CHMP4C: variants seen among roughly 807,000 people sequenced by gnomAD.
CHMP4C encodes charged multivesicular body protein 4C, also known as SNF7 homolog associated with Alix 3.
A neutral mutation model predicts 29.0 loss-of-function variants in CHMP4C; 28 were observed. The ratio of observed to expected loss-of-function variants is 0.97; its 90% CI spans 0.72 to 1.32. The LOEUF is 1.32. Ranked by LOEUF, CHMP4C falls within the 40% of genes most tolerant of loss-of-function variation. The pLI is 0.00. For synonymous variants in CHMP4C, 106 were observed against 102.4 expected, an observed-to-expected ratio of 1.04 and a Z score of -0.21; for missense variants, 291 against 281.0, an observed-to-expected ratio of 1.04 and a Z score of -0.25.
intron 1 of CHMP4C, among the ~76,000 whole-genome samples, chr8:81,739,425 G>GGGGGT (rs1554592477): frequency 1.4e-5 from 2 of 140,270 alleles, no homozygotes; most frequent in Admixed American, 1.4e-4. Flanking sequence ...TTGTGGGGGG[G>GGGGGT]GGTGGAAAAA....
At chr8:81,744,330 G>T (rs1438322203) in intron 1 of CHMP4C, among the ~76,000 whole-genome samples, 1 of 152,186 alleles carries the variant, frequency 6.6e-6, no homozygotes, top group Non-Finnish European at 1.5e-5. Context: ...GTAGGAGAAA[G>T]GGTTGGGGGT....
intron 2 of CHMP4C, among the ~76,000 whole-genome samples, chr8:81,754,912 AAATAG>A (rs891992618): frequency 2.0e-5 from 3 of 152,128 alleles, no homozygotes; most frequent in Non-Finnish European, 4.4e-5. Context: ...GTGTTACAAA[AAATAG>A]ATCTCTAGAC....
chr8:81,743,637 A>G (rs75199564), intron 1 of CHMP4C, among the ~76,000 whole-genome samples: 1,656 of 152,310 alleles, frequency 0.011, 42 homozygotes, highest in African/African-American at 0.038. Context: ...TTTAGTGAGT[A>G]TTTAAAATAA....
chr8:81,758,034 C>A, intron 3 of CHMP4C, 108 bp from the exon 4 acceptor site: 1 of 936,746 alleles, frequency 1.1e-6, no homozygotes, highest in Non-Finnish European at 1.6e-6. Flanking sequence ...TTCCATTTCA[C>A]TGGGTTCTCA....
chr8:81,758,661 TTG>T lies in CHMP4C; in HGVS notation c.*121_*122del, dbSNP rs1809002352. ...CTTTATAATTATATTGAATGAATAA[TTG>T]TGTTTTAAGCCTCCTAAGTAAAAGT... On this transcript the variant is annotated 3_prime_UTR_variant, in exon 5 of 5. Transcript: ENST00000297265. 1 of 747,872 alleles carries T rather than the reference TTG, an allele frequency of 1.3e-6. No homozygotes were observed. The highest frequency in any genetic ancestry group is 2.2e-6 in the Non-Finnish European group (1 of 446,516). The allele number at this position is 747,872 out of a possible 1,614,324, so 46.3% of individuals were successfully genotyped here.
At chr8:81,754,563 A>G (rs1447672206) in intron 2 of CHMP4C, among the ~76,000 whole-genome samples, 1 of 152,140 alleles carries the variant, frequency 6.6e-6, no homozygotes, top group East Asian at 1.9e-4. Context: ...GCTACTTAAT[A>G]ATGAGGGACA....
In CHMP4C at chr8:81,751,918, T is replaced by TA. The variant is rs371917852; in HGVS notation, c.191-1140dup. On this transcript the variant is annotated intron_variant, in intron 1 of 4. Coordinates refer to ENST00000297265, the MANE Select transcript of CHMP4C (RefSeq NM_152284.4). ...AAAAATTTTTAGAGACAAATTGTAA[T>TA]AAAAAACTGGCATATTAACTTAATA... 1.3e-4 allele frequency among the ~76,000 whole-genome samples: 20 copies of TA among 152,192 alleles called. No homozygotes were observed. In the East Asian group the frequency reaches 2.1e-3, roughly 16 times the overall value.
At position 81,741,672 on chromosome 8, in the gene CHMP4C, A is replaced by G. The variant is rs921099774; in HGVS notation, c.190+8856A>G. On this transcript the variant is annotated intron_variant, in intron 1 of 4. Coordinates refer to ENST00000297265, the MANE Select transcript of CHMP4C (RefSeq NM_152284.4). ...TTGTACTATGCCTAAGTACATGTGA[A>G]TCTATTTGTACTTTTAAGGAATAAA... 2.6e-5 allele frequency among the ~76,000 whole-genome samples: 4 copies of G among 152,304 alleles called. No individual in the cohort carries two copies. The South Asian group carries it at 6.2e-4, about 24-fold the overall frequency.
rs116711363 is a variant in CHMP4C, at chr8:81,752,135, C to T, written c.191-929C>T. Among the ~76,000 whole-genome samples, 1,437 of 152,294 alleles carry T rather than the reference C, an allele frequency of 9.4e-3. 18 individuals carry two copies. The highest frequency in any genetic ancestry group is 0.033 in the African/African-American group (1,353 of 41,560). The stretch of plus-strand genomic sequence containing the variant: ...GAAAACAGTTAGAAGAGAGACTTCT[C>T]TCCAAAATCTCTGTTGTGATAACTT... On this transcript the variant is annotated intron_variant, in intron 1 of 4. Transcript: ENST00000297265.
intron 3 of CHMP4C, among the ~76,000 whole-genome samples, chr8:81,755,969 A>G (rs1285561472): frequency 6.6e-6 from 1 of 152,216 alleles, no homozygotes; most frequent in African/African-American, 2.4e-5. Context: ...GTCCAATAAT[A>G]CAGACAGACT....
intron 1 of CHMP4C, among the ~76,000 whole-genome samples, chr8:81,737,023 G>A (rs570932782): frequency 6.6e-6 from 1 of 152,322 alleles, no homozygotes; most frequent in Admixed American, 6.5e-5. Context: ...GATCAAAAGA[G>A]TAACAGTTGG....
chr8:81,757,938 A>G (rs1312988030), intron 3 of CHMP4C, among the ~76,000 whole-genome samples: 40 of 152,194 alleles, frequency 2.6e-4, no homozygotes. Flanking sequence ...TTAGAAGATT[A>G]ACTACAACAA....
At chr8:81,748,195 A>T (rs190749251) in intron 1 of CHMP4C, among the ~76,000 whole-genome samples, 1 of 152,226 alleles carries the variant, frequency 6.6e-6, no homozygotes, top group South Asian at 2.1e-4. Context: ...GTTTAAGGTT[A>T]TCTCTCTTAT....
At chr8:81,733,094 A>T (rs754897144) in intron 1 of CHMP4C, among the ~76,000 whole-genome samples, 37 of 152,222 alleles carry the variant, frequency 2.4e-4, no homozygotes, top group South Asian at 2.1e-4. Flanking sequence ...CCAAAAAAGA[A>T]ATGATGAAGA....
rs1808631971 is a variant in CHMP4C, at chr8:81,732,605, T to C, written c.-22T>C. On this transcript the variant is annotated 5_prime_UTR_variant, in exon 1 of 5. Transcript: ENST00000297265. Reference sequence around the variant, plus strand: ...GCTCCCGAGAGGCCCCCGGGATCGCTGGCCCTCCGAACTCCACAGCAATGA... The same window carrying C: ...GCTCCCGAGAGGCCCCCGGGATCGCCGGCCCTCCGAACTCCACAGCAATGA... 1 of 1,516,726 alleles carries C rather than the reference T, an allele frequency of 6.6e-7. No individual in the cohort carries two copies. Among genetic ancestry groups the C allele is most frequent in the African/African-American group, 1.4e-5 (1 of 71,558 alleles). 94.0% of individuals were successfully genotyped at this position (1,516,726 alleles called of 1,614,324 possible).
At chr8:81,738,065 C>T (rs968331642) in intron 1 of CHMP4C, among the ~76,000 whole-genome samples, 11 of 152,186 alleles carry the variant, frequency 7.2e-5, no homozygotes, top group African/African-American at 2.7e-4. Flanking sequence ...GGTGAGATGC[C>T]TAGGACACAG....
chr8:81,750,658 A>T (rs182982922), intron 1 of CHMP4C, among the ~76,000 whole-genome samples: 201 of 152,178 alleles, frequency 1.3e-3, no homozygotes, highest in African/African-American at 4.6e-3. Context: ...ATCTTATATT[A>T]TAGGCATTTC....
At chr8:81,735,540 A>C (rs1164409632) in intron 1 of CHMP4C, among the ~76,000 whole-genome samples, 1 of 152,234 alleles carries the variant, frequency 6.6e-6, no homozygotes, top group East Asian at 1.9e-4. Context: ...CCATTGCTAG[A>C]ATGGCTGTAA....
Position 81,758,584 on chromosome 8 carries a change from G to C in CHMP4C, c.*40G>C, listed in dbSNP as rs773421802. ...TTGATACCTAAATTAATGAGCTATA[G>C]ATAAAATATAAAAAATGTTTTTACC... On this transcript the variant is annotated 3_prime_UTR_variant, in exon 5 of 5. Transcript: ENST00000297265. 4 of 1,301,266 alleles carry C rather than the reference G, an allele frequency of 3.1e-6. No individual in the cohort carries two copies. In the South Asian group the frequency reaches 3.7e-5, roughly 12 times the overall value. 80.6% of individuals were successfully genotyped at this position (1,301,266 alleles called of 1,614,324 possible).
Sources: gnomAD v4.1 joint callset for allele counts (sites outside exome capture counted in the v4.1 genomes callset) on GRCh38, gnomAD v4.1.1 for gene constraint, MANE v1.5 for transcripts, NCBI Gene and HGNC (gene_info 2026-07-23, HGNC 2026-07-21) for gene names.